MESD: variants seen among roughly 807,000 people sequenced by gnomAD.
MESD encodes LRP chaperone MESD.
Under a neutral mutation model 12.9 loss-of-function variants are expected in MESD, and 7 were observed. The ratio of observed to expected loss-of-function variants is 0.54; its 90% CI spans 0.31 to 1.02. The LOEUF (loss-of-function observed/expected upper bound fraction) is 1.02, where lower values mean the gene tolerates loss of function less well. Among genes scored for constraint, MESD ranks in the 50% least tolerant of loss-of-function variants. The probability of loss-of-function intolerance (pLI) is 0.05; values close to 1 mark genes in which losing one functional copy is unlikely to be tolerated. For synonymous variants in MESD, 126 were observed against 115.6 expected, an observed-to-expected ratio of 1.09 and a Z score of -0.58; for missense variants, 342 against 296.7, an observed-to-expected ratio of 1.15 and a Z score of -1.12.
At chr15:80,979,599 G>A in intron 2 of MESD, 122 bp from the exon 3 acceptor site, 1 of 1,232,926 alleles carries the variant, frequency 8.1e-7, no homozygotes, top group South Asian at 1.6e-5. Flanking sequence ...ATGAAAAATT[G>A]GATTTTCCAA....
intron 4 of MESD, chr15:80,949,117 C>T: frequency 1.4e-6 from 1 of 715,882 alleles, no homozygotes; most frequent in African/African-American, 1.8e-5. Flanking sequence ...AAGTGTCTAC[C>T]TGGAGCCCCT....
intron 3 of MESD, among the ~76,000 whole-genome samples, chr15:80,964,931 C>A (rs1196808596): frequency 6.6e-6 from 1 of 152,176 alleles, no homozygotes; most frequent in East Asian, 1.9e-4. Flanking sequence ...AAAGCAATGG[C>A]AACTAAAGCC....
At chr15:80,949,086 T>A in intron 4 of MESD, 1 of 884,108 alleles carries the variant, frequency 1.1e-6, no homozygotes, top group Non-Finnish European at 1.8e-6. Flanking sequence ...GAGACCCTGG[T>A]GCTGCCACCT....
At chr15:80,972,912 C>T (rs1357786055), downstream of MESD, among the ~76,000 whole-genome samples, 1 of 152,112 alleles carries the variant, frequency 6.6e-6, no homozygotes, top group Non-Finnish European at 1.5e-5. Context: ...ATTCCAGCTA[C>T]TTGGGAGGCT....
intron 3 of MESD, among the ~76,000 whole-genome samples, chr15:80,952,464 T>C (rs1170032752): frequency 1.3e-5 from 2 of 152,182 alleles, no homozygotes; most frequent in African/African-American, 4.8e-5. Flanking sequence ...TGGCCACAAT[T>C]TTCAAGTGCT....
chr15:80,953,876 G>A (rs1354119815), intron 3 of MESD, among the ~76,000 whole-genome samples: 1 of 152,130 alleles, frequency 6.6e-6, no homozygotes, highest in African/African-American at 2.4e-5. Flanking sequence ...CAGGCGTTTG[G>A]GAGAATTTTG....
downstream of MESD, chr15:80,947,015 G>A: frequency 1.9e-6 from 3 of 1,614,100 alleles, no homozygotes; most frequent in Non-Finnish European, 2.5e-6. Context: ...AGAGGCCCAT[G>A]GACCAGAGTG....
At chr15:80,971,912 T>A (rs1391321798), downstream of MESD, among the ~76,000 whole-genome samples, 1 of 149,016 alleles carries the variant, frequency 6.7e-6, no homozygotes, top group African/African-American at 2.5e-5. Context: ...ACTGCACCAT[T>A]GCACTCCAGC....
intron 4 of MESD, chr15:80,948,936 G>T: frequency 6.2e-7 from 1 of 1,614,126 alleles, no homozygotes; most frequent in Non-Finnish European, 8.5e-7. Context: ...GACAGCTGCC[G>T]CCCGGTGCCA....
chr15:80,962,484 A>G (rs1902105530), intron 3 of MESD, among the ~76,000 whole-genome samples: 1 of 152,172 alleles, frequency 6.6e-6, no homozygotes, highest in African/African-American at 2.4e-5. Context: ...TGGACCAAGC[A>G]GACCTAATAG....
At position 80,978,403 on chromosome 15, in the gene MESD, G is replaced by GA. The variant is rs1213962248; in HGVS notation, c.*815dup. 1 of 152,120 alleles carries GA rather than the reference G, an allele frequency of 6.6e-6. No individual in the cohort carries two copies. The highest frequency in any genetic ancestry group is 2.4e-5 in the African/African-American group (1 of 41,410). 9.4% of individuals were successfully genotyped at this position (152,120 alleles called of 1,614,324 possible). ...GCACAGATTTAGGCACTTTATCAAA[G>GA]AAAAATGTTTAGAAACAAATGAGGT... On this transcript the variant is annotated 3_prime_UTR_variant, in exon 3 of 3. Coordinates refer to ENST00000261758, the MANE Select transcript of MESD (RefSeq NM_015154.3).
chr15:80,962,936 T>A (rs939889408), intron 3 of MESD, among the ~76,000 whole-genome samples: 1 of 151,756 alleles, frequency 6.6e-6, no homozygotes, highest in Non-Finnish European at 1.5e-5. Context: ...ACTAGAGAAG[T>A]AAGAGCAAAC....
downstream of MESD, among the ~76,000 whole-genome samples, chr15:80,970,941 G>A (rs1261667570): frequency 2.0e-5 from 3 of 152,172 alleles, no homozygotes; most frequent in Non-Finnish European, 4.4e-5. Flanking sequence ...ACCTGGGGGC[G>A]GGGTGGAGGA....
chr15:80,948,730 T>G, exon 5 of MESD: 1 of 1,609,548 alleles, frequency 6.2e-7, no homozygotes, highest in Non-Finnish European at 8.5e-7. Context: ...TGGGGAGCCA[T>G]GGAACGGGGT....
chr15:80,975,220 A>C (rs1279186189), downstream of MESD, among the ~76,000 whole-genome samples: 24 of 113,068 alleles, frequency 2.1e-4, no homozygotes, highest in South Asian at 2.7e-4. Context: ...AAAAAAAAAA[A>C]CAAAAAAAAA....
intron 3 of MESD, among the ~76,000 whole-genome samples, chr15:80,952,617 CGTGTGTGT>C (rs113669846): frequency 6.7e-6 from 1 of 149,210 alleles, no homozygotes; most frequent in African/African-American, 2.5e-5. Context: ...AACTATGTCT[CGTGTGTGT>C]GTGTGTGTGT....
intron 3 of MESD, chr15:80,952,868 CCCTGCTCT>C: frequency 2.4e-6 from 1 of 424,444 alleles, no homozygotes; most frequent in Non-Finnish European, 4.7e-6. Flanking sequence ...ATTTTTGCAC[CCCTGCTCT>C]GTGCCAGGCA....
chr15:80,960,635 TTAAA>T lies in MESD; in HGVS notation c.*289-8343_*289-8340del, dbSNP rs1316223860. On this transcript the variant is annotated intron_variant, in intron 3 of 4. Transcript: ENST00000561312. ...AATGTTGGGGATGAGGAACGCTTTC[TTAAA>T]CAAAATATCAAAGGAAAAATCATCA... is the stretch of plus-strand genomic sequence containing the variant. Among the ~76,000 whole-genome samples, 3 of 152,246 alleles carry T rather than the reference TTAAA, an allele frequency of 2.0e-5. No homozygotes were observed. The East Asian group carries it at 5.8e-4, about 29-fold the overall frequency.
At chr15:80,972,044 A>G (rs527431930), downstream of MESD, among the ~76,000 whole-genome samples, 1 of 152,190 alleles carries the variant, frequency 6.6e-6, no homozygotes, top group African/African-American at 2.4e-5. Context: ...ATAACTAAAA[A>G]AACTCAAATA....
Sources: gnomAD v4.1 joint callset for allele counts (sites outside exome capture counted in the v4.1 genomes callset) on GRCh38, gnomAD v4.1.1 for gene constraint, MANE v1.5 for transcripts, NCBI Gene and HGNC (gene_info 2026-07-23, HGNC 2026-07-21) for gene names.